KMT2E: variants seen among roughly 807,000 people sequenced by gnomAD.
The protein encoded by KMT2E is lysine methyltransferase 2E (inactive).
In KMT2E, 30 loss-of-function variants were observed where a neutral mutation model predicts 184.6. The ratio of observed to expected loss-of-function variants is 0.16; its 90% CI spans 0.12 to 0.22. KMT2E has a LOEUF of 0.22. Among genes scored for constraint, KMT2E ranks in the 10% least tolerant of loss-of-function variants. The pLI is 1.00. For missense variants in KMT2E, 2,023 were observed against 2,237.4 expected (o/e 0.90, Z 1.93); for synonymous variants, 815 against 776.5 (o/e 1.05, Z -0.82).
At chr7:105,091,366 G>A (rs1267774226) in intron 15 of KMT2E, 52 bp downstream of exon 15, 1 of 968,902 alleles carries the variant, frequency 1.0e-6, no homozygotes, top group Non-Finnish European at 1.7e-6. Flanking sequence ...TCTGCATATG[G>A]TAATTGTTGC....
intron 3 of KMT2E, among the ~76,000 whole-genome samples, chr7:105,049,322 C>T (rs1457894514): frequency 6.6e-6 from 1 of 151,912 alleles, no homozygotes; most frequent in East Asian, 1.9e-4. Context: ...TTGCTTGTGC[C>T]CGTAGTCCCA....
At chr7:105,050,230 T>G (rs1796270991) in intron 3 of KMT2E, among the ~76,000 whole-genome samples, 1 of 152,214 alleles carries the variant, frequency 6.6e-6, no homozygotes, top group African/African-American at 2.4e-5. Context: ...TTCTATAATT[T>G]ATATACATTT....
At chr7:105,031,718 C>G (rs775053618) in intron 1 of KMT2E, among the ~76,000 whole-genome samples, 2 of 151,200 alleles carry the variant, frequency 1.3e-5, no homozygotes, top group Non-Finnish European at 2.9e-5. Context: ...TGCTACAGCA[C>G]TCCAGCCTGG....
intron 13 of KMT2E, among the ~76,000 whole-genome samples, chr7:105,084,194 C>T (rs962495046): frequency 6.6e-6 from 1 of 152,138 alleles, no homozygotes. Context: ...TGGTGGAGAA[C>T]TACAACTGCA....
chr7:105,053,084 T>A (rs1034503393), intron 3 of KMT2E, among the ~76,000 whole-genome samples: 35 of 152,322 alleles, frequency 2.3e-4, no homozygotes, highest in African/African-American at 7.9e-4. Context: ...GTCCCTCATA[T>A]ATAAATAGTC....
At chr7:105,076,291 T>A (rs1316467114) in intron 9 of KMT2E, among the ~76,000 whole-genome samples, 1 of 152,202 alleles carries the variant, frequency 6.6e-6, no homozygotes, top group Non-Finnish European at 1.5e-5. Flanking sequence ...AAGGGGGAGG[T>A]ATATAAGCAA....
intron 13 of KMT2E, among the ~76,000 whole-genome samples, chr7:105,087,604 A>G (rs961563341): frequency 6.6e-6 from 1 of 151,490 alleles, no homozygotes; most frequent in Non-Finnish European, 1.5e-5. Flanking sequence ...TTTGTGTTTT[A>G]GTAGAGACGG....
chr7:105,088,724 C>A (rs1278401697), intron 13 of KMT2E, among the ~76,000 whole-genome samples: 1 of 152,154 alleles, frequency 6.6e-6, no homozygotes, highest in Non-Finnish European at 1.5e-5. Context: ...TTTCCACTTA[C>A]TAACTGTGTA....
At chr7:105,032,327 C>T (rs1795457169) in intron 1 of KMT2E, among the ~76,000 whole-genome samples, 1 of 152,004 alleles carries the variant, frequency 6.6e-6, no homozygotes, top group African/African-American at 2.4e-5. Context: ...ACCTGTATTC[C>T]CAGCTTCTTG....
At chr7:105,062,826 A>T (rs1479172464) in intron 4 of KMT2E, among the ~76,000 whole-genome samples, 1 of 151,980 alleles carries the variant, frequency 6.6e-6, no homozygotes, top group Non-Finnish European at 1.5e-5. Flanking sequence ...AAACGTAATT[A>T]CATAACAACA....
At chr7:105,059,742 G>T (rs539439555) in intron 3 of KMT2E, among the ~76,000 whole-genome samples, 7 of 152,150 alleles carry the variant, frequency 4.6e-5, no homozygotes, top group African/African-American at 1.2e-4. Flanking sequence ...AGCAAAAATT[G>T]TGTAGATATA....
At chr7:105,106,914 ATT>A in intron 20 of KMT2E, 142 bp downstream of exon 20, 1 of 845,894 alleles carries the variant, frequency 1.2e-6, no homozygotes, top group Non-Finnish European at 1.8e-6. Context: ...AGAAAAATTC[ATT>A]TATATGAATT....
Position 105,113,350 on chromosome 7 carries a change from A to AT in KMT2E, c.*24dup. 13 of 1,590,006 alleles carry AT rather than the reference A, an allele frequency of 8.2e-6. No individual in the cohort carries two copies. Among genetic ancestry groups the AT allele is most frequent in the South Asian group, 2.2e-5 (2 of 89,500 alleles). On this transcript the variant is annotated 3_prime_UTR_variant, in exon 27 of 27. Coordinates refer to ENST00000311117, the MANE Select transcript of KMT2E (RefSeq NM_182931.3). ...TGGCATTAAAATGGACTCCAAAAACATTTTTTTAAATGTTCTGTAAGATAA... is the reference window on the plus strand; with the variant it reads ...TGGCATTAAAATGGACTCCAAAAACATTTTTTTTAAATGTTCTGTAAGATAA...
At chr7:105,062,339 A>G in intron 4 of KMT2E, 61 bp downstream of exon 4, 1 of 1,072,002 alleles carries the variant, frequency 9.3e-7, no homozygotes, top group South Asian at 1.4e-5. Context: ...AAGTAGATGC[A>G]TGTGATACTG....
rs1426797813 is a variant in KMT2E, at chr7:105,014,420, G to C, written c.-304G>C. On this transcript the variant is annotated 5_prime_UTR_variant, in exon 1 of 27. Coordinates refer to ENST00000311117, the MANE Select transcript of KMT2E (RefSeq NM_182931.3). ...TTGGGGAGGGGGTGTGTGGAGCCGG[G>C]TCCTGTGTCCGCAGTGGCTGCTGTC... The C allele has an allele frequency of 6.5e-6, 1 of 153,636 alleles. No homozygotes were observed. Among genetic ancestry groups the C allele is most frequent in the African/African-American group, 2.4e-5 (1 of 41,380 alleles). 9.5% of individuals were successfully genotyped at this position (153,636 alleles called of 1,614,324 possible). A position where few individuals can be genotyped will look rare whatever the true frequency, so the allele number is the denominator to read the frequency against.
At chr7:105,108,792 T>C in intron 22 of KMT2E, 150 bp from the exon 23 acceptor site, 1 of 662,100 alleles carries the variant, frequency 1.5e-6, no homozygotes, top group Non-Finnish European at 2.5e-6. Flanking sequence ...TAGTAGGCAT[T>C]TGGTAATTGT....
chr7:105,060,680 C>T (rs1796780933), intron 3 of KMT2E, among the ~76,000 whole-genome samples: 1 of 152,162 alleles, frequency 6.6e-6, no homozygotes, highest in Non-Finnish European at 1.5e-5. Flanking sequence ...AAGTGACCCT[C>T]CTGTCTCAGA....
chr7:105,063,154 A>G (rs1227828485), intron 4 of KMT2E, among the ~76,000 whole-genome samples, 197 bp from the exon 5 acceptor site: 1 of 152,128 alleles, frequency 6.6e-6, no homozygotes, highest in Non-Finnish European at 1.5e-5. Context: ...CACTTTGTAG[A>G]TAGATATATT....
At position 105,101,932 on chromosome 7, in the gene KMT2E, T is replaced by G. The variant is rs368566319; in HGVS notation, c.1934T>G (p.Val645Gly). 6.2e-6 allele frequency: 10 copies of G among 1,611,900 alleles called. No homozygotes were observed. Among genetic ancestry groups the G allele is most frequent in the African/African-American group, 2.7e-5 (2 of 74,952 alleles). Residue 645 changes from valine to glycine, a missense_variant, in exon 17 of 27, where the codon GTA becomes GGA. Physicochemically the swap from Val to Gly is moderately radical, Grantham distance 109 (BLOSUM62 -3). Around this residue, in one of 8 missense-constraint regions of KMT2E, gnomAD observed 514 missense variants for 621.8 expected, o/e 0.83. Coordinates refer to ENST00000311117, the MANE Select transcript of KMT2E (RefSeq NM_182931.3). ...ENASKPTPAK[V>G]NRTKQRKSFS... is the part of the protein sequence containing the mutation. Reference sequence around the variant, plus strand: ...GCTAGCAAGCCAACCCCTGCCAAAGTAAATAGAACTAAACAGAGAAAAAGT... The same window carrying G: ...GCTAGCAAGCCAACCCCTGCCAAAGGAAATAGAACTAAACAGAGAAAAAGT...
Sources: gnomAD v4.1 joint callset for allele counts (sites outside exome capture counted in the v4.1 genomes callset) on GRCh38, gnomAD v4.1.1 for gene constraint, gnomAD v4.1.1 regional missense constraint, MANE v1.5 for transcripts, NCBI Gene and HGNC (gene_info 2026-07-23, HGNC 2026-07-21) for gene names.